LAMB1: variants seen among roughly 807,000 people sequenced by gnomAD.
The protein encoded by LAMB1 is laminin subunit beta 1.
LAMB1 carries 121 observed loss-of-function variants against 222.3 expected under a neutral mutation model. That is an observed-to-expected ratio of 0.54 (90% CI 0.47 to 0.63). The LOEUF (loss-of-function observed/expected upper bound fraction) is 0.63. Among genes scored for constraint, LAMB1 ranks in the 30% least tolerant of loss-of-function variants. The probability of loss-of-function intolerance (pLI) is 0.00; values close to 1 mark genes in which losing one functional copy is unlikely to be tolerated. For synonymous variants in LAMB1, 794 were observed against 807.2 expected (o/e 0.98, Z 0.28); for missense variants, 2,172 against 2,240.8 (o/e 0.97, Z 0.62).
intron 22 of LAMB1, 84 bp from the exon 23 acceptor site, chr7:107,952,307 TG>T (rs2033275629): frequency 2.0e-6 from 2 of 990,084 alleles, no homozygotes; most frequent in Admixed American, 4.7e-5. Flanking sequence ...AATGCTAAGA[TG>T]TTCCCACTTC....
chr7:107,931,135 T>C (rs1216476908), intron 29 of LAMB1, among the ~76,000 whole-genome samples: 1 of 152,230 alleles, frequency 6.6e-6, no homozygotes, highest in Non-Finnish European at 1.5e-5. Context: ...TTTGATTGGC[T>C]ACCTGAGTAT....
intron 32 of LAMB1, 106 bp from the exon 33 acceptor site, chr7:107,924,495 A>G: frequency 1.3e-6 from 1 of 764,524 alleles, no homozygotes; most frequent in Non-Finnish European, 2.0e-6. Flanking sequence ...AAGGGCCACC[A>G]AGGATATTCA....
chr7:107,955,366 A>C, intron 21 of LAMB1, 101 bp downstream of exon 21: 1 of 1,021,538 alleles, frequency 9.8e-7, no homozygotes. Flanking sequence ...ATAAAAGTAG[A>C]CTTAATTGGT....
At chr7:107,966,285 A>G (rs1227090024) in intron 13 of LAMB1, among the ~76,000 whole-genome samples, 2 of 151,670 alleles carry the variant, frequency 1.3e-5, no homozygotes, top group Non-Finnish European at 2.9e-5. Context: ...ATCTCGGTTC[A>G]CTGCAACCTC....
chr7:107,926,081 T>C, intron 32 of LAMB1, 102 bp downstream of exon 32: 1 of 820,036 alleles, frequency 1.2e-6, no homozygotes, highest in South Asian at 1.9e-5. Context: ...TTCTGATGAA[T>C]TCTGTTTCTG....
chr7:107,964,491 G>GT, intron 14 of LAMB1, 61 bp downstream of exon 14: 6 of 1,597,420 alleles, frequency 3.8e-6, no homozygotes, highest in Non-Finnish European at 5.1e-6. Flanking sequence ...TACAAAGCAT[G>GT]TATGTTCCAC....
intron 12 of LAMB1, among the ~76,000 whole-genome samples, chr7:107,974,648 T>C (rs926350151): frequency 6.6e-6 from 1 of 152,222 alleles, no homozygotes; most frequent in African/African-American, 2.4e-5. Flanking sequence ...AAAATGCTTT[T>C]CACAAAAGTA....
chr7:107,969,560 T>C (rs2033703367), intron 13 of LAMB1, among the ~76,000 whole-genome samples: 1 of 152,246 alleles, frequency 6.6e-6, no homozygotes, highest in Non-Finnish European at 1.5e-5. Context: ...AATCCTGTTC[T>C]ATCACAGTAT....
At chr7:107,944,309 C>G (rs1455781988) in intron 24 of LAMB1, among the ~76,000 whole-genome samples, 1 of 152,130 alleles carries the variant, frequency 6.6e-6, no homozygotes, top group Non-Finnish European at 1.5e-5. Flanking sequence ...ACAGCCCAAC[C>G]CTGAAAGACT....
intron 5 of LAMB1, among the ~76,000 whole-genome samples, chr7:107,994,170 T>C (rs2034238449): frequency 6.6e-6 from 1 of 152,234 alleles, no homozygotes. Flanking sequence ...CAATGTGTAC[T>C]TTAAGCCATG....
intron 12 of LAMB1, among the ~76,000 whole-genome samples, chr7:107,973,633 AG>A (rs1298862867): frequency 6.6e-6 from 1 of 152,120 alleles, no homozygotes; most frequent in Non-Finnish European, 1.5e-5. Flanking sequence ...ATATAAAAAC[AG>A]GTTCACCAAT....
chr7:108,002,724 C>T (rs2150459390), intron 2 of LAMB1, 125 bp downstream of exon 2: 1 of 1,317,148 alleles, frequency 7.6e-7, no homozygotes, highest in Admixed American at 2.1e-5. Context: ...ATCCCAGGGG[C>T]GTCATTTCCA....
chr7:107,926,384 A>G, intron 31 of LAMB1, 25 bp from the exon 32 acceptor site: 9 of 1,602,728 alleles, frequency 5.6e-6, no homozygotes, highest in Non-Finnish European at 7.7e-6. Context: ...ATTTTCCAGC[A>G]AGACATTAGT....
intron 17 of LAMB1, 52 bp from the exon 18 acceptor site, chr7:107,960,701 TG>T: frequency 6.6e-7 from 1 of 1,519,516 alleles, no homozygotes; most frequent in African/African-American, 1.4e-5. Flanking sequence ...CCCCATGGCA[TG>T]GGTTTAAGCA....
chr7:107,947,893 C>T lies in LAMB1; in HGVS notation c.3391+3333G>A, dbSNP rs375067935. Among the ~76,000 whole-genome samples, 11 of 152,194 alleles carry T rather than the reference C, an allele frequency of 7.2e-5. No individual in the cohort carries two copies. The East Asian group carries it at 2.1e-3, about 29-fold the overall frequency. ...CTCCCAAATTTCCAAATGTCCCCAC[C>T]CCAGCTCAGCCACTGTGGGCACAAA... On this transcript the variant is annotated intron_variant, in intron 24 of 33. Transcript: ENST00000222399.
At chr7:107,950,594 G>T (rs1449801107) in intron 24 of LAMB1, among the ~76,000 whole-genome samples, 2 of 152,098 alleles carry the variant, frequency 1.3e-5, no homozygotes, top group East Asian at 3.9e-4. Flanking sequence ...GAAAATCTGG[G>T]TTTTATTCAC....
rs2032725964 is a variant in LAMB1, at chr7:107,932,157, GCCATCCACTGAGTTA to G, written c.4392+2_4392+16del. 6.2e-7 allele frequency: 1 copy of G among 1,611,624 alleles called. No homozygotes were observed. The highest frequency in any genetic ancestry group is 1.7e-5 in the Admixed American group (1 of 59,996). ...GCAAACATACATAACAAAAACTGAG[GCCATCCACTGAGTTA>G]CCATCTTGGAGAGCTGTTCCACTTC... On this transcript the variant is annotated splice_donor_variant and splice_donor_5th_base_variant and intron_variant, in intron 28 of 33. Transcript: ENST00000222399. LOFTEE classifies it high-confidence loss of function.
Position 107,998,527 on chromosome 7 carries a change from C to A in LAMB1, c.214-35G>T, listed in dbSNP as rs201978202. On this transcript the variant is annotated intron_variant, in intron 3 of 33. Transcript: ENST00000222399. Reference sequence around the variant, plus strand: ...AAGTTGAGTTCATCAGTCTAGAAAGCAATCTCATTAAAAACATTTTTAATT... The same window carrying A: ...AAGTTGAGTTCATCAGTCTAGAAAGAAATCTCATTAAAAACATTTTTAATT... 2.2e-5 allele frequency: 35 copies of A among 1,580,920 alleles called. No homozygotes were observed. The East Asian group carries it at 7.9e-4, about 36-fold the overall frequency.
intron 13 of LAMB1, among the ~76,000 whole-genome samples, chr7:107,968,517 G>T (rs2033678675): frequency 6.6e-6 from 1 of 152,208 alleles, no homozygotes; most frequent in Non-Finnish European, 1.5e-5. Flanking sequence ...ATTATTGGAT[G>T]ATCTGGGTGG....
Sources: gnomAD v4.1 joint callset for allele counts (sites outside exome capture counted in the v4.1 genomes callset) on GRCh38, gnomAD v4.1.1 for gene constraint, MANE v1.5 for transcripts, NCBI Gene and HGNC (gene_info 2026-07-23, HGNC 2026-07-21) for gene names.